The following CDH12 variants were observed in gnomAD, a reference collection of about 807,000 sequenced individuals.
The protein encoded by CDH12 is cadherin 12.
In CDH12, 41 loss-of-function variants were observed where a neutral mutation model predicts 74.1. The observed-to-expected ratio is 0.55, with a 90% CI of 0.43 to 0.72. The LOEUF is 0.72. Ranked by LOEUF, CDH12 falls within the 30% of genes least tolerant of loss-of-function variation. CDH12 has a pLI of 0.00. For missense variants in CDH12, 945 were observed against 977.2 expected, an observed-to-expected ratio of 0.97 and a Z score of 0.44; for synonymous variants, 399 against 355.0, an observed-to-expected ratio of 1.12 and a Z score of -1.39.
At chr5:22,802,214 T>C (rs944566040) in intron 1 of CDH12, among the ~76,000 whole-genome samples, 1 of 149,718 alleles carries the variant, frequency 6.7e-6, no homozygotes, top group Non-Finnish European at 1.5e-5. Flanking sequence ...CTCTGCCTCC[T>C]GGGTTCACGC....
intron 1 of CDH12, among the ~76,000 whole-genome samples, chr5:22,507,738 T>C (rs13188797): frequency 0.39 from 59,495 of 152,104 alleles, 11,997 homozygotes; most frequent in Non-Finnish European, 0.44. Context: ...GTAATTACCA[T>C]AAATGTAGTA....
At chr5:22,367,182 G>T (rs924939503) in intron 3 of CDH12, among the ~76,000 whole-genome samples, 1 of 151,884 alleles carries the variant, frequency 6.6e-6, no homozygotes, top group Non-Finnish European at 1.5e-5. Context: ...CCTCTGAAAG[G>T]CATCTCCTTC....
chr5:22,786,188 A>G (rs999477172), intron 1 of CDH12, among the ~76,000 whole-genome samples: 19 of 152,218 alleles, frequency 1.2e-4, no homozygotes, highest in Admixed American at 2.0e-4. Flanking sequence ...GCTGGAGGAC[A>G]TGATCCTTAG....
intron 9 of CDH12, among the ~76,000 whole-genome samples, chr5:21,814,181 G>A (rs948741942): frequency 2.7e-5 from 3 of 110,158 alleles, no homozygotes; most frequent in Non-Finnish European, 6.1e-5. Flanking sequence ...GTGTGTGTGT[G>A]TGTGTTTTAT....
intron 1 of CDH12, among the ~76,000 whole-genome samples, chr5:22,533,652 G>T (rs914316267): frequency 1.3e-5 from 2 of 152,164 alleles, no homozygotes; most frequent in African/African-American, 2.4e-5. Flanking sequence ...TCAATATTGA[G>T]ATGTAGGTTG....
chr5:22,197,279 C>T (rs1217460466), intron 4 of CDH12, among the ~76,000 whole-genome samples: 3 of 151,502 alleles, frequency 2.0e-5, no homozygotes, highest in East Asian at 2.0e-4. Context: ...CCTGTCTCTA[C>T]TAAAAATACA....
chr5:21,776,193 G>A lies in CDH12; in HGVS notation c.1393+7165C>T, dbSNP rs1315249593. Among the ~76,000 whole-genome samples, 3 of 152,234 alleles carry A rather than the reference G, an allele frequency of 2.0e-5. 1 individual carries two copies. The highest frequency in any genetic ancestry group is 3.9e-4 in the East Asian group (2 of 5,172). The stretch of plus-strand genomic sequence containing the variant: ...GTGGCTGGAAACTGAGGGCAGCTTC[G>A]GATCAAACAGCAGTGTGGAATAGTT... On this transcript the variant is annotated intron_variant, in intron 11 of 14. Coordinates refer to ENST00000382254, the MANE Select transcript of CDH12 (RefSeq NM_004061.5).
At chr5:22,436,980 A>T (rs1301084458) in intron 2 of CDH12, among the ~76,000 whole-genome samples, 2 of 152,092 alleles carry the variant, frequency 1.3e-5, no homozygotes, top group Non-Finnish European at 2.9e-5. Flanking sequence ...AAAACATGGA[A>T]AAGTCAGTCT....
At chr5:22,015,858 AAACT>A (rs1462582171) in intron 5 of CDH12, among the ~76,000 whole-genome samples, 1 of 152,218 alleles carries the variant, frequency 6.6e-6, no homozygotes, top group Non-Finnish European at 1.5e-5. Context: ...GAAAGCAAAC[AAACT>A]ATTAAAAGGA....
intron 6 of CDH12, among the ~76,000 whole-genome samples, chr5:21,863,134 A>G (rs1751139983): frequency 6.6e-6 from 1 of 152,190 alleles, no homozygotes; most frequent in African/African-American, 2.4e-5. Context: ...ACAGCGTGAC[A>G]TGAACAGATT....
intron 5 of CDH12, among the ~76,000 whole-genome samples, chr5:22,035,135 T>C (rs547556847): frequency 2.0e-5 from 3 of 152,140 alleles, no homozygotes. Flanking sequence ...TCCTTTATAT[T>C]TAGTCATGTA....
intron 1 of CDH12, among the ~76,000 whole-genome samples, chr5:22,520,476 T>C (rs1295715517): frequency 1.3e-5 from 2 of 152,140 alleles, no homozygotes; most frequent in South Asian, 2.1e-4. Context: ...AGAACACTTA[T>C]GGAGGTGCCC....
chr5:22,591,609 T>C (rs1228846168), intron 1 of CDH12, among the ~76,000 whole-genome samples: 1 of 152,162 alleles, frequency 6.6e-6, no homozygotes, highest in Non-Finnish European at 1.5e-5. Flanking sequence ...AAATGCCTCA[T>C]ACTACTAAGT....
At chr5:22,555,087 A>G (rs1442756253) in intron 1 of CDH12, among the ~76,000 whole-genome samples, 6 of 152,028 alleles carry the variant, frequency 3.9e-5, no homozygotes, top group African/African-American at 1.4e-4. Context: ...TTAACTATAA[A>G]TTTCCCTGTA....
intron 1 of CDH12, among the ~76,000 whole-genome samples, chr5:22,563,301 C>A (rs1739148003): frequency 6.6e-6 from 1 of 151,858 alleles, no homozygotes; most frequent in Non-Finnish European, 1.5e-5. Flanking sequence ...ATCTCATTGT[C>A]TTTTTGATTT....
chr5:22,596,657 T>C (rs1345785139), intron 1 of CDH12, among the ~76,000 whole-genome samples: 1 of 152,186 alleles, frequency 6.6e-6, no homozygotes, highest in Non-Finnish European at 1.5e-5. Flanking sequence ...CACTGACTTT[T>C]TCTTATTTAA....
At chr5:22,028,523 A>C (rs1738555632) in intron 5 of CDH12, among the ~76,000 whole-genome samples, 1 of 152,184 alleles carries the variant, frequency 6.6e-6, no homozygotes, top group African/African-American at 2.4e-5. Flanking sequence ...TGCTTCAAAG[A>C]GAATAAAATA....
chr5:22,820,524 T>C (rs964413379), intron 1 of CDH12, among the ~76,000 whole-genome samples: 4 of 151,936 alleles, frequency 2.6e-5, no homozygotes, highest in Non-Finnish European at 4.4e-5. Flanking sequence ...GAGAATCAAA[T>C]AGATGCAATA....
At chr5:22,457,976 C>T (rs554766703) in intron 2 of CDH12, among the ~76,000 whole-genome samples, 1 of 152,276 alleles carries the variant, frequency 6.6e-6, no homozygotes, top group East Asian at 1.9e-4. Flanking sequence ...AACTCCTGAC[C>T]TCATGATCCA....
Sources: gnomAD v4.1 joint callset for allele counts (sites outside exome capture counted in the v4.1 genomes callset) on GRCh38, gnomAD v4.1.1 for gene constraint, MANE v1.5 for transcripts, NCBI Gene and HGNC (gene_info 2026-07-23, HGNC 2026-07-21) for gene names.